CFAP52: variants seen among roughly 807,000 people sequenced by gnomAD.
CFAP52 encodes cilia and flagella associated protein 52.
Under a neutral mutation model 70.5 loss-of-function variants are expected in CFAP52, and 57 were observed. The observed-to-expected ratio is 0.81, with a 90% CI of 0.65 to 1.01. The LOEUF is 1.01. Ranked by LOEUF, CFAP52 falls within the 50% of genes least tolerant of loss-of-function variation. The pLI is 0.00. For missense variants in CFAP52, 785 were observed against 788.5 expected (o/e 1.00, Z 0.05); for synonymous variants, 267 against 292.5 (o/e 0.91, Z 0.89).
intron 1 of CFAP52, among the ~76,000 whole-genome samples, chr17:9,584,892 G>T (rs996499756): frequency 2.6e-5 from 4 of 152,164 alleles, no homozygotes; most frequent in South Asian, 2.1e-4. Flanking sequence ...CAAGTGCTGG[G>T]ATTACAAGGG....
intron 8 of CFAP52, among the ~76,000 whole-genome samples, chr17:9,627,951 A>G (rs1227715646): frequency 1.3e-5 from 2 of 151,414 alleles, no homozygotes; most frequent in African/African-American, 2.4e-5. Context: ...CTGGTCTTGA[A>G]CTCCTGGCCT....
chr17:9,584,199 C>T (rs1187538902), intron 1 of CFAP52: 4 of 1,232,438 alleles, frequency 3.2e-6, no homozygotes, highest in Non-Finnish European at 4.2e-6. Flanking sequence ...TCTCCTGAAA[C>T]TGTTTTTAGT....
chr17:9,630,187 C>T (rs1422052934), intron 9 of CFAP52, among the ~76,000 whole-genome samples: 1 of 151,818 alleles, frequency 6.6e-6, no homozygotes, highest in Non-Finnish European at 1.5e-5. Context: ...TCGTACCTTC[C>T]TACCACGTCT....
chr17:9,599,410 A>G (rs1226773609), intron 5 of CFAP52, among the ~76,000 whole-genome samples: 1 of 152,342 alleles, frequency 6.6e-6, no homozygotes, highest in South Asian at 2.1e-4. Flanking sequence ...GCAAATGTAC[A>G]TCCTTTTTGG....
At chr17:9,627,157 G>T (rs552437007) in intron 8 of CFAP52, among the ~76,000 whole-genome samples, 2 of 151,158 alleles carry the variant, frequency 1.3e-5, no homozygotes, top group Non-Finnish European at 2.9e-5. Flanking sequence ...AGGGTTTTGG[G>T]TTATCTGCAA....
intron 8 of CFAP52, among the ~76,000 whole-genome samples, chr17:9,627,027 C>T (rs974174839): frequency 6.6e-6 from 1 of 151,594 alleles, no homozygotes; most frequent in African/African-American, 2.4e-5. Context: ...TATTGTACCC[C>T]AATATTACTT....
intron 8 of CFAP52, among the ~76,000 whole-genome samples, chr17:9,623,662 T>C (rs1229670537): frequency 6.9e-6 from 1 of 145,872 alleles, no homozygotes; most frequent in Non-Finnish European, 1.5e-5. Flanking sequence ...AGAACTTTGC[T>C]TAGCTTTTTT....
chr17:9,606,831 G>C (rs756482110), intron 6 of CFAP52, among the ~76,000 whole-genome samples: 4 of 152,180 alleles, frequency 2.6e-5, no homozygotes, highest in Non-Finnish European at 5.9e-5. Flanking sequence ...CACTTAGGAA[G>C]TTAGGGGTGA....
chr17:9,630,977 C>T (rs1910454980), intron 9 of CFAP52, among the ~76,000 whole-genome samples: 1 of 132,828 alleles, frequency 7.5e-6, no homozygotes, highest in African/African-American at 3.0e-5. Flanking sequence ...CAGAGCCAGA[C>T]TCCATCTCAA....
chr17:9,636,617 G>A (rs1283642972), intron 11 of CFAP52, among the ~76,000 whole-genome samples: 2 of 151,906 alleles, frequency 1.3e-5, no homozygotes, highest in East Asian at 1.9e-4. Flanking sequence ...CCCCTCCTAC[G>A]AGGCACTGCC....
intron 3 of CFAP52, among the ~76,000 whole-genome samples, chr17:9,589,481 C>A (rs1807022): frequency 0.46 from 70,188 of 151,974 alleles, 20,071 homozygotes; most frequent in Non-Finnish European, 0.64. Context: ...GCCTGAAATC[C>A]CAGCACTTTG....
At chr17:9,579,901 T>G (rs1054393500) in intron 1 of CFAP52, among the ~76,000 whole-genome samples, 2 of 152,236 alleles carry the variant, frequency 1.3e-5, no homozygotes, top group African/African-American at 4.8e-5. Context: ...GGTATCAATA[T>G]GTAACTGTAC....
chr17:9,623,571 C>T (rs1175485112), intron 8 of CFAP52, among the ~76,000 whole-genome samples: 2 of 152,136 alleles, frequency 1.3e-5, no homozygotes, highest in Non-Finnish European at 2.9e-5. Flanking sequence ...TGTGTGCTTA[C>T]TTATATATTT....
intron 7 of CFAP52, among the ~76,000 whole-genome samples, chr17:9,609,865 T>A (rs1274361378): frequency 6.6e-6 from 1 of 152,026 alleles, no homozygotes; most frequent in Non-Finnish European, 1.5e-5. Context: ...GCCTTCCAGG[T>A]TATTATACAT....
At chr17:9,641,683 C>T (rs940611703) in intron 12 of CFAP52, 41 bp from the exon 13 acceptor site, 2 of 1,498,528 alleles carry the variant, frequency 1.3e-6, no homozygotes, top group African/African-American at 1.4e-5. Context: ...GATGACTCTC[C>T]TGAGCTGAGT....
chr17:9,611,646 A>C (rs1909715732), intron 7 of CFAP52, among the ~76,000 whole-genome samples: 1 of 152,190 alleles, frequency 6.6e-6, no homozygotes, highest in African/African-American at 2.4e-5. Context: ...GATTACAGGC[A>C]TGAACAACTG....
chr17:9,596,059 G>GTGTGTGTGTGTA (rs1555541607), intron 4 of CFAP52, among the ~76,000 whole-genome samples: 53 of 85,206 alleles, frequency 6.2e-4, no homozygotes, highest in Non-Finnish European at 1.0e-3. Context: ...ATATGTGTGT[G>GTGTGTGTGTGTA]TATATATATA....
chr17:9,634,738 T>C (rs1235467070), intron 10 of CFAP52, among the ~76,000 whole-genome samples: 2 of 152,194 alleles, frequency 1.3e-5, no homozygotes, highest in East Asian at 1.9e-4. Context: ...CACTCCAGCC[T>C]GGGAGACGGA....
In CFAP52 at chr17:9,576,690, C is replaced by A; in HGVS notation, c.-6C>A. The A allele has an allele frequency of 6.2e-7, 1 of 1,611,600 alleles. No individual in the cohort carries two copies. The highest frequency in any genetic ancestry group is 8.5e-7 in the Non-Finnish European group (1 of 1,178,884). ...AGGAGAGCAAAGTAATCAGAACCTC[C>A]CAAGGATGGATAACAAAATTTCGCC... On this transcript the variant is annotated 5_prime_UTR_variant, in exon 1 of 14. Coordinates refer to ENST00000352665, the MANE Select transcript of CFAP52 (RefSeq NM_145054.5).
Sources: gnomAD v4.1 joint callset for allele counts (sites outside exome capture counted in the v4.1 genomes callset) on GRCh38, gnomAD v4.1.1 for gene constraint, MANE v1.5 for transcripts, NCBI Gene and HGNC (gene_info 2026-07-23, HGNC 2026-07-21) for gene names.